ADAMTS2: variants seen among roughly 807,000 people sequenced by gnomAD.
ADAMTS2 encodes the protein ADAM metallopeptidase with thrombospondin type 1 motif 2.
Under a neutral mutation model 123.0 loss-of-function variants are expected in ADAMTS2, and 50 were observed. The observed-to-expected ratio is 0.41, with a 90% CI of 0.32 to 0.51. The LOEUF (loss-of-function observed/expected upper bound fraction) is 0.51. ADAMTS2 is among the 20% of genes least tolerant of loss of function. ADAMTS2 has a pLI of 0.35. For missense variants in ADAMTS2, 1,494 were observed against 1,705.2 expected (o/e 0.88, Z 2.18); for synonymous variants, 678 against 695.4 (o/e 0.98, Z 0.39).
chr5:179,278,619 C>T (rs1210811478), intron 2 of ADAMTS2, among the ~76,000 whole-genome samples: 2 of 152,060 alleles, frequency 1.3e-5, no homozygotes, highest in Non-Finnish European at 2.9e-5. Context: ...AAGGTTGGTA[C>T]CCCGACCTGG....
rs1756692859 is a variant in ADAMTS2, at chr5:179,307,032, G to C, written c.535-33968C>G. 6.6e-6 allele frequency among the ~76,000 whole-genome samples: 1 copy of C among 152,126 alleles called. No homozygotes were observed. The highest frequency in any genetic ancestry group is 1.5e-5 in the Non-Finnish European group (1 of 68,026). On this transcript the variant is annotated intron_variant, in intron 2 of 21. Transcript: ENST00000251582. This position sits in a 1 kb window ranked among gnomAD's most constrained non-coding sequence, Gnocchi z 5.6. ...TGTGGCCCTGGCAGGATCAACCCTG[G>C]GCCTGAGTCCTTGGAGGTGAGGCCA... is the stretch of plus-strand genomic sequence containing the variant.
chr5:179,312,801 G>A lies in ADAMTS2; in HGVS notation c.534+30966C>T, dbSNP rs550312278. ...CTCCCCTAGAGGCTCCGGAGGGAGC[G>A]CGGCCCTGCCGCCACCTGCGTTTTG... On this transcript the variant is annotated intron_variant, in intron 2 of 21. Coordinates refer to ENST00000251582, the MANE Select transcript of ADAMTS2 (RefSeq NM_014244.5). The surrounding 1 kb of genome is among the most constrained non-coding windows in gnomAD (Gnocchi z 4.2). 9.8e-5 allele frequency among the ~76,000 whole-genome samples: 15 copies of A among 152,344 alleles called. No homozygotes were observed. Among genetic ancestry groups the A allele is most frequent in the South Asian group, 6.2e-4 (3 of 4,832 alleles).
rs559255804 is a variant in ADAMTS2, at chr5:179,228,954, C to T, written c.689-21239G>A. ...TCCTGAGCTCCTCCCCCGGCCTGTG[C>T]TTGAGAGGTGACAGCCAGCACGTGA... On this transcript the variant is annotated intron_variant, in intron 3 of 21. Transcript: ENST00000251582. The surrounding 1 kb of genome is among the most constrained non-coding windows in gnomAD (Gnocchi z 5.2). Among the ~76,000 whole-genome samples, 1 of 152,316 alleles carries T rather than the reference C, an allele frequency of 6.6e-6. No homozygotes were observed. The highest frequency in any genetic ancestry group is 2.1e-4 in the South Asian group (1 of 4,826).
At chr5:179,306,045 C>A (rs1366846983) in intron 2 of ADAMTS2, among the ~76,000 whole-genome samples, 1 of 152,070 alleles carries the variant, frequency 6.6e-6, no homozygotes, top group African/African-American at 2.4e-5. Flanking sequence ...ATTCTACTAA[C>A]CTCTCAGGAA....
At chr5:179,240,509 C>T (rs1456508565) in intron 3 of ADAMTS2, among the ~76,000 whole-genome samples, 2 of 152,028 alleles carry the variant, frequency 1.3e-5, no homozygotes, top group South Asian at 2.1e-4. Flanking sequence ...AAAAGGGAAC[C>T]GGGAAAATAG....
intron 13 of ADAMTS2, among the ~76,000 whole-genome samples, chr5:179,135,346 G>C (rs1440346877): frequency 6.6e-5 from 10 of 152,224 alleles, no homozygotes; most frequent in Non-Finnish European, 1.5e-4. Flanking sequence ...TTTCGGGGGA[G>C]CCTGGCAGGG....
chr5:179,320,615 G>T (rs993482213), intron 2 of ADAMTS2, among the ~76,000 whole-genome samples: 3 of 151,990 alleles, frequency 2.0e-5, no homozygotes, highest in African/African-American at 4.8e-5. Flanking sequence ...ACTGTTCCTG[G>T]CCCACCCTTC....
At chr5:179,342,891 C>A (rs1016282459) in intron 2 of ADAMTS2, among the ~76,000 whole-genome samples, 3 of 152,248 alleles carry the variant, frequency 2.0e-5, no homozygotes, top group African/African-American at 7.2e-5. Context: ...CTGCCCTCTC[C>A]AGGAAGCAGA....
intron 10 of ADAMTS2, among the ~76,000 whole-genome samples, chr5:179,144,538 CA>C (rs923905552): frequency 6.6e-6 from 1 of 152,212 alleles, no homozygotes; most frequent in Non-Finnish European, 1.5e-5. Context: ...GTAATCAAGA[CA>C]GTGTATCCCT....
chr5:179,235,446 A>C (rs1489317856), intron 3 of ADAMTS2, among the ~76,000 whole-genome samples: 1 of 152,214 alleles, frequency 6.6e-6, no homozygotes, highest in Non-Finnish European at 1.5e-5. Context: ...ATGTGTGTCC[A>C]AGTCCTACCA....
intron 3 of ADAMTS2, among the ~76,000 whole-genome samples, chr5:179,210,011 G>C (rs1764813870): frequency 6.6e-6 from 1 of 152,182 alleles, no homozygotes; most frequent in South Asian, 2.1e-4. Flanking sequence ...GAGGTCACGT[G>C]GTGCCATCTG....
chr5:179,243,669 C>T (rs1269995754), intron 3 of ADAMTS2, among the ~76,000 whole-genome samples: 1 of 152,140 alleles, frequency 6.6e-6, no homozygotes, highest in Non-Finnish European at 1.5e-5. Flanking sequence ...GAAAAAAAGG[C>T]GGCAACAGAC....
intron 3 of ADAMTS2, among the ~76,000 whole-genome samples, chr5:179,244,009 G>C (rs1180817546): frequency 6.6e-6 from 1 of 152,080 alleles, no homozygotes; most frequent in South Asian, 2.1e-4. Context: ...AAAGTAAACG[G>C]AACTTAAGAA....
At chr5:179,169,509 G>T (rs1017098213) in intron 5 of ADAMTS2, among the ~76,000 whole-genome samples, 1 of 152,222 alleles carries the variant, frequency 6.6e-6, no homozygotes, top group Non-Finnish European at 1.5e-5. Flanking sequence ...GATGGAGGAT[G>T]ATGTGGGTGG....
At chr5:179,182,603 C>T (rs936710607) in intron 4 of ADAMTS2, among the ~76,000 whole-genome samples, 11 of 152,246 alleles carry the variant, frequency 7.2e-5, no homozygotes, top group African/African-American at 2.2e-4. Flanking sequence ...AAGATGGCAC[C>T]GATCGTGGGG....
chr5:179,195,381 A>G (rs1419799215), intron 4 of ADAMTS2, among the ~76,000 whole-genome samples: 1 of 152,038 alleles, frequency 6.6e-6, no homozygotes, highest in Non-Finnish European at 1.5e-5. Flanking sequence ...TGGAAAGAAC[A>G]CTCAGGCCAC....
intron 5 of ADAMTS2, among the ~76,000 whole-genome samples, chr5:179,160,647 A>G (rs1257070523): frequency 6.6e-6 from 1 of 152,218 alleles, no homozygotes; most frequent in Non-Finnish European, 1.5e-5. Flanking sequence ...CCTGGGAGAT[A>G]AGATAACTCA....
In ADAMTS2 at chr5:179,181,171, A is replaced by G. The variant is rs1764040094; in HGVS notation, c.892-16T>C. ...TTTCATTGACCTGAAAGAAACAGGG[A>G]GGCATCAGCGGGAACCACAGGCCCT... On this transcript the variant is annotated splice_polypyrimidine_tract_variant and intron_variant, in intron 4 of 21. Transcript: ENST00000251582. This position sits in a 1 kb window ranked among gnomAD's most constrained non-coding sequence, Gnocchi z 4.1. 1.9e-6 allele frequency: 3 copies of G among 1,604,486 alleles called. No homozygotes were observed. Among genetic ancestry groups the G allele is most frequent in the East Asian group, 2.2e-5 (1 of 44,840 alleles).
intron 3 of ADAMTS2, among the ~76,000 whole-genome samples, chr5:179,245,759 C>A (rs1765773885): frequency 1.5e-5 from 1 of 68,336 alleles, no homozygotes; most frequent in Non-Finnish European, 2.3e-5. Context: ...GAGCGAGACT[C>A]CGTCTCAAAA....
Sources: gnomAD v4.1 joint callset for allele counts (sites outside exome capture counted in the v4.1 genomes callset) on GRCh38, gnomAD v4.1.1 for gene constraint, Gnocchi (gnomAD v3.1) non-coding constraint, MANE v1.5 for transcripts, NCBI Gene and HGNC (gene_info 2026-07-23, HGNC 2026-07-21) for gene names.